RANBP2: variants seen among roughly 807,000 people sequenced by gnomAD.
RANBP2 encodes RAN binding protein 2, also known as E3 SUMO-protein ligase RanBP2.
A neutral mutation model predicts 303.6 loss-of-function variants in RANBP2; 57 were observed. The observed-to-expected ratio is 0.19, with a 90% CI of 0.15 to 0.23. The LOEUF is 0.23. Ranked by LOEUF, RANBP2 falls within the 10% of genes least tolerant of loss-of-function variation. The pLI, the probability that RANBP2 is intolerant of heterozygous loss-of-function variation, is 1.00. For missense variants in RANBP2, 3,138 were observed against 3,780.8 expected (o/e 0.83, Z 4.46); for synonymous variants, 1,167 against 1,301.5 (o/e 0.90, Z 2.23).
the RANBP2 span, among the ~76,000 whole-genome samples, chr2:108,926,018 G>A: frequency 7.9e-5 from 12 of 152,180 alleles, no homozygotes; most frequent in South Asian, 2.1e-4. Context: ...AGAAGCCACC[G>A]TTTTCTAGCA....
chr2:109,406,530 C>T, the RANBP2 span, among the ~76,000 whole-genome samples: 2 of 152,146 alleles, frequency 1.3e-5, no homozygotes, highest in African/African-American at 4.8e-5. Flanking sequence ...CTCTACCATC[C>T]TCACCTGGGA....
At chr2:108,831,100 C>T in the RANBP2 span, among the ~76,000 whole-genome samples, 853 of 151,932 alleles carry the variant, frequency 5.6e-3, 4 homozygotes, top group South Asian at 0.034. Flanking sequence ...GCTTAAACCC[C>T]GGAGGCAGAA....
intron 22 of RANBP2, 103 bp downstream of exon 22, chr2:108,772,684 C>A: frequency 1.6e-6 from 2 of 1,289,882 alleles, no homozygotes; most frequent in Non-Finnish European, 2.2e-6. Flanking sequence ...TTTACGATGC[C>A]CATGGTGATT....
chr2:109,066,383 A>C, the RANBP2 span, among the ~76,000 whole-genome samples: 8 of 152,174 alleles, frequency 5.3e-5, no homozygotes, highest in Non-Finnish European at 8.8e-5. Flanking sequence ...CTGGGATTAT[A>C]GGCGTGAGCC....
the RANBP2 span, among the ~76,000 whole-genome samples, chr2:109,078,077 A>AAT: frequency 3.1e-3 from 146 of 47,410 alleles, 3 homozygotes; most frequent in African/African-American, 0.014. Flanking sequence ...TTGACAGATG[A>AAT]ATATATATAT....
the RANBP2 span, chr2:109,616,346 A>G: frequency 1.1e-5 from 3 of 271,778 alleles, no homozygotes; most frequent in Admixed American, 1.6e-4. Context: ...AATTGGGGGA[A>G]CAGAATGAAT....
chr2:108,760,929 C>A (rs545903597), intron 18 of RANBP2, among the ~76,000 whole-genome samples: 3 of 152,034 alleles, frequency 2.0e-5, no homozygotes, highest in Non-Finnish European at 4.4e-5. Context: ...CATCATTTTG[C>A]GGATTTTTCA....
In RANBP2 at chr2:108,751,921, C is replaced by G. The variant is rs538818009; in HGVS notation, c.1682C>G (p.Thr561Ser). The G allele has an allele frequency of 1.2e-6, 2 of 1,611,934 alleles. No homozygotes were observed. Among genetic ancestry groups the G allele is most frequent in the East Asian group, 4.5e-5 (2 of 44,882 alleles). The change falls in exon 12 of 29, where the codon ACT (threonine) becomes AGT (serine). Residue 561 changes from threonine (T) to serine (S), a missense_variant. By Grantham distance (58) the Thr-to-Ser change is moderately conservative (BLOSUM62 1). Around this residue, in one of 20 missense-constraint regions of RANBP2, gnomAD observed 162 missense variants for 286.9 expected, o/e 0.56. Transcript: ENST00000283195. The stretch of plus-strand genomic sequence containing the variant: ...CTTCTAGTTCAGCATGAAATAAACA[C>G]TCTAAGAGCCCAGGAAAAACATGGC... ...LRLLVQHEIN[T>S]LRAQEKHGLQ...
At chr2:109,124,902 T>C in the RANBP2 span, among the ~76,000 whole-genome samples, 2 of 152,220 alleles carry the variant, frequency 1.3e-5, no homozygotes, top group African/African-American at 2.4e-5. Context: ...GCAGTGATGA[T>C]TGTCTCATAT....
At chr2:109,737,033 A>G in the RANBP2 span, 1 of 419,790 alleles carries the variant, frequency 2.4e-6, no homozygotes, top group South Asian at 8.1e-5. Flanking sequence ...ATGATTTCCA[A>G]TTTTCTCTTC....
chr2:109,349,763 G>A, the RANBP2 span, among the ~76,000 whole-genome samples: 1 of 152,226 alleles, frequency 6.6e-6, no homozygotes, highest in African/African-American at 2.4e-5. Flanking sequence ...CTCTGGGTAG[G>A]CCTGCTTCTC....
the RANBP2 span, among the ~76,000 whole-genome samples, chr2:108,860,935 CTTTTTTTTTTTT>C: frequency 1.3e-4 from 5 of 37,914 alleles, no homozygotes; most frequent in South Asian, 1.4e-3. Context: ...TGGTCCAGGA[CTTTTTTTTTTTT>C]TTTTTTTTTT....
the RANBP2 span, among the ~76,000 whole-genome samples, chr2:108,829,444 T>G: frequency 3.9e-5 from 6 of 152,156 alleles, no homozygotes; most frequent in East Asian, 5.8e-4. Flanking sequence ...ACTTAACACC[T>G]ATTAGAATGT....
chr2:109,565,775 C>T, the RANBP2 span: 1 of 1,613,764 alleles, frequency 6.2e-7, no homozygotes, highest in Non-Finnish European at 8.5e-7. Context: ...TGTACAACAC[C>T]CCAAGGGTAC....
the RANBP2 span, among the ~76,000 whole-genome samples, chr2:109,096,182 G>A: frequency 1.3e-5 from 2 of 152,090 alleles, no homozygotes; most frequent in South Asian, 2.1e-4. Flanking sequence ...TAATTGATTA[G>A]GTTCCCTAAA....
At chr2:109,699,674 T>C in the RANBP2 span, among the ~76,000 whole-genome samples, 2 of 152,182 alleles carry the variant, frequency 1.3e-5, no homozygotes, top group Admixed American at 6.5e-5. Context: ...GAGGGGTTGG[T>C]TGCGTTGTCT....
At chr2:109,708,277 T>A in the RANBP2 span, among the ~76,000 whole-genome samples, 1 of 152,102 alleles carries the variant, frequency 6.6e-6, no homozygotes, top group Non-Finnish European at 1.5e-5. Flanking sequence ...TCCCAGCTAC[T>A]TGAGCCTGGG....
chr2:108,942,557 G>C, the RANBP2 span, among the ~76,000 whole-genome samples: 1 of 152,250 alleles, frequency 6.6e-6, no homozygotes, highest in Admixed American at 6.5e-5. Flanking sequence ...TCTCCCTCCC[G>C]TTCTAGAAGA....
the RANBP2 span, among the ~76,000 whole-genome samples, chr2:109,260,559 C>A: frequency 2.0e-5 from 3 of 152,210 alleles, no homozygotes; most frequent in South Asian, 6.2e-4. Flanking sequence ...ACACCTTGGT[C>A]ATAGGCAAGA....
Sources: gnomAD v4.1 joint callset for allele counts (sites outside exome capture counted in the v4.1 genomes callset) on GRCh38, gnomAD v4.1.1 for gene constraint, gnomAD v4.1.1 regional missense constraint, MANE v1.5 for transcripts, NCBI Gene and HGNC (gene_info 2026-07-23, HGNC 2026-07-21) for gene names.